BLTP1: variants seen among roughly 807,000 people sequenced by gnomAD.
BLTP1 encodes bridge-like lipid transfer protein family member 1, also known as fragile site-associated protein.
At chr4:122,304,619 T>G in the BLTP1 span, 1 of 704,672 alleles carries the variant, frequency 1.4e-6, no homozygotes, top group Non-Finnish European at 1.7e-6. Flanking sequence ...ACAAAAAAAT[T>G]TGTGTGACCC....
At chr4:122,169,363 C>T in the BLTP1 span, among the ~76,000 whole-genome samples, 23 of 152,234 alleles carry the variant, frequency 1.5e-4, no homozygotes, top group South Asian at 3.9e-3. Flanking sequence ...GTTATCTTTC[C>T]TTATTCTTTA....
At chr4:122,199,542 T>C in the BLTP1 span, 2 of 1,083,418 alleles carry the variant, frequency 1.8e-6, no homozygotes, top group African/African-American at 3.2e-5. Context: ...CAGGAAATCA[T>C]CAAATGGTCC....
the BLTP1 span, among the ~76,000 whole-genome samples, chr4:122,176,612 T>G: frequency 6.6e-6 from 1 of 152,202 alleles, no homozygotes; most frequent in South Asian, 2.1e-4. Context: ...GTAATATTTT[T>G]ATGAGTAATT....
At chr4:122,229,845 A>C in the BLTP1 span, 1 of 1,455,814 alleles carries the variant, frequency 6.9e-7, no homozygotes, top group South Asian at 1.4e-5. Flanking sequence ...CTCTATTTGA[A>C]ATGATCACCT....
At chr4:122,258,587 T>C in the BLTP1 span, 1 of 1,333,250 alleles carries the variant, frequency 7.5e-7, no homozygotes, top group Non-Finnish European at 1.0e-6. Context: ...ATAATAAATA[T>C]TTGTCAAGGA....
the BLTP1 span, among the ~76,000 whole-genome samples, chr4:122,217,805 T>A: frequency 6.6e-6 from 1 of 152,178 alleles, no homozygotes; most frequent in Non-Finnish European, 1.5e-5. Flanking sequence ...CTTTTTTAAA[T>A]GTCTGATAGA....
At chr4:122,314,927 A>T in the BLTP1 span, among the ~76,000 whole-genome samples, 1 of 152,120 alleles carries the variant, frequency 6.6e-6, no homozygotes, top group East Asian at 1.9e-4. Context: ...TAGAACCAAG[A>T]TCCCAACTGT....
the BLTP1 span, among the ~76,000 whole-genome samples, chr4:122,216,085 G>GTCTGTCTGTCTA: frequency 1.9e-3 from 274 of 144,498 alleles, 1 homozygote; most frequent in African/African-American, 6.5e-3. Context: ...ATCTTTGTCT[G>GTCTGTCTGTCTA]TCTATCTATC....
At chr4:122,321,493 T>C in the BLTP1 span, among the ~76,000 whole-genome samples, 1 of 151,784 alleles carries the variant, frequency 6.6e-6, no homozygotes, top group South Asian at 2.1e-4. Context: ...TTATATATAG[T>C]CATACATTAT....
chr4:122,291,366 A>C, the BLTP1 span, among the ~76,000 whole-genome samples: 2 of 152,216 alleles, frequency 1.3e-5, no homozygotes, highest in Non-Finnish European at 2.9e-5. Flanking sequence ...TTGAGAGGGA[A>C]TACTTTGAAC....
the BLTP1 span, among the ~76,000 whole-genome samples, chr4:122,240,544 G>A: frequency 2.0e-5 from 3 of 152,108 alleles, no homozygotes; most frequent in African/African-American, 4.8e-5. Context: ...AAATTAAATT[G>A]AGAAATGGTT....
chr4:122,352,103 C>T, the BLTP1 span, among the ~76,000 whole-genome samples: 3 of 152,138 alleles, frequency 2.0e-5, no homozygotes, highest in South Asian at 2.1e-4. Flanking sequence ...TCTGCTGGCC[C>T]TCTGACCTTT....
chr4:122,286,903 C>T, the BLTP1 span: 1 of 872,880 alleles, frequency 1.1e-6, no homozygotes, highest in South Asian at 1.8e-5. Context: ...AATTTGTTTT[C>T]ACAGAAGAAT....
At chr4:122,330,672 T>C in the BLTP1 span, among the ~76,000 whole-genome samples, 1 of 151,968 alleles carries the variant, frequency 6.6e-6, no homozygotes, top group East Asian at 1.9e-4. Context: ...GGTTGCCTTT[T>C]CACCCTATTG....
chr4:122,242,395 G>A, the BLTP1 span, among the ~76,000 whole-genome samples: 1 of 152,188 alleles, frequency 6.6e-6, no homozygotes, highest in African/African-American at 2.4e-5. Context: ...AATACCTCAT[G>A]ATTTCACTCG....
At chr4:122,166,079 T>G in the BLTP1 span, among the ~76,000 whole-genome samples, 1 of 152,162 alleles carries the variant, frequency 6.6e-6, no homozygotes, top group Non-Finnish European at 1.5e-5. Flanking sequence ...TTAGTTTAAT[T>G]AGATCCCATT....
chr4:122,201,091 A>G, the BLTP1 span: 20 of 1,613,576 alleles, frequency 1.2e-5, no homozygotes, highest in Admixed American at 2.7e-4. Flanking sequence ...AAAGCCACTT[A>G]CCACTTCATC....
the BLTP1 span, chr4:122,341,664 A>C: frequency 2.0e-6 from 2 of 976,846 alleles, no homozygotes; most frequent in Non-Finnish European, 2.4e-6. Flanking sequence ...AGGAATGATG[A>C]TAAGAATATA....
the BLTP1 span, chr4:122,242,901 A>C: frequency 6.5e-6 from 5 of 770,210 alleles, no homozygotes; most frequent in Non-Finnish European, 1.1e-5. Flanking sequence ...ATATATCAAA[A>C]TCATATTAGG....
Sources: allele counts gnomAD v4.1 joint callset (sites outside exome capture counted in the v4.1 genomes callset), GRCh38; gene constraint gnomAD v4.1.1; transcripts MANE v1.5; gene names NCBI Gene and HGNC (gene_info 2026-07-23, HGNC 2026-07-21).